ECE1: variants seen among roughly 807,000 people sequenced by gnomAD.
ECE1 encodes endothelin converting enzyme 1, also known as endothelin-converting enzyme 1.
A neutral mutation model predicts 98.6 loss-of-function variants in ECE1; 35 were observed. The ratio of observed to expected loss-of-function variants is 0.35; its 90% CI spans 0.27 to 0.47. ECE1 has a LOEUF of 0.47. Ranked by LOEUF, ECE1 falls within the 20% of genes least tolerant of loss-of-function variation. The pLI, the probability that ECE1 is intolerant of heterozygous loss-of-function variation, is 1.00. For synonymous variants in ECE1, 394 were observed against 407.1 expected (o/e 0.97, Z 0.39); for missense variants, 814 against 1,025.3 (o/e 0.79, Z 2.81).
At chr1:21,316,590 C>T (rs1638837402) in intron 1 of ECE1, among the ~76,000 whole-genome samples, 1 of 151,990 alleles carries the variant, frequency 6.6e-6, no homozygotes, top group Admixed American at 6.6e-5. Flanking sequence ...CAGTTCTTAA[C>T]ATACATAACA....
At chr1:21,344,433 G>A (rs1019614772) in intron 1 of ECE1, among the ~76,000 whole-genome samples, 15 of 152,328 alleles carry the variant, frequency 9.8e-5, no homozygotes, top group African/African-American at 3.4e-4. Context: ...GAGGGAATCC[G>A]AGTGGCTCGT....
At chr1:21,274,075 G>A (rs2098243698) in intron 3 of ECE1, among the ~76,000 whole-genome samples, 1 of 152,206 alleles carries the variant, frequency 6.6e-6, no homozygotes, top group African/African-American at 2.4e-5. Flanking sequence ...GCCGTGTACT[G>A]GGCACTTTGC....
chr1:21,249,685 A>G (rs954687357), intron 8 of ECE1, among the ~76,000 whole-genome samples: 2 of 152,128 alleles, frequency 1.3e-5, no homozygotes, highest in Non-Finnish European at 2.9e-5. Context: ...CTGCCTCAGA[A>G]AAAAAAGAGC....
In ECE1 at chr1:21,279,201, C is replaced by G. The variant is rs749420169; in HGVS notation, c.270G>C (p.Gln90His). The stretch of plus-strand genomic sequence containing the variant: ...CACGAAGGCACCTACTTGTCTGGTA[C>G]TGGATGCCCAGTGCTGCCAAGCAGG... The part of the protein sequence containing the change: ...LVACLAALGI[Q>H]YQTRSPSVCL... Residue 90 changes from glutamine (Q) to histidine (H), a missense_variant, in exon 3 of 19, where the codon CAG becomes CAC. By Grantham distance (24) the Gln-to-His change is conservative. This residue lies in a region of ECE1 where 257 missense variants were observed against 278.9 expected (regional missense o/e 0.92). Transcript: ENST00000374893. The G allele has an allele frequency of 6.2e-7, 1 of 1,614,182 alleles. No homozygotes were observed. Among genetic ancestry groups the G allele is most frequent in the Non-Finnish European group, 8.5e-7 (1 of 1,180,024 alleles).
At chr1:21,281,302 G>C (rs993272990) in intron 2 of ECE1, among the ~76,000 whole-genome samples, 2 of 152,220 alleles carry the variant, frequency 1.3e-5, no homozygotes, top group African/African-American at 4.8e-5. Context: ...AGCTGGGTCA[G>C]GCAGTGGGAG....
intron 1 of ECE1, among the ~76,000 whole-genome samples, chr1:21,300,963 T>C (rs931814482): frequency 7.2e-5 from 11 of 152,170 alleles, no homozygotes; most frequent in Non-Finnish European, 1.5e-5. Context: ...CTCTTGGGTT[T>C]GGAGGACAAT....
chr1:21,236,945 A>T, intron 11 of ECE1, 101 bp from the exon 12 acceptor site: 1 of 1,154,022 alleles, frequency 8.7e-7, no homozygotes, highest in Admixed American at 1.7e-5. Flanking sequence ...ATTAAACTCA[A>T]TTTTCCAAGC....
chr1:21,273,079 A>G (rs1169986923), intron 3 of ECE1, among the ~76,000 whole-genome samples, 168 bp from the exon 4 acceptor site: 3 of 152,374 alleles, frequency 2.0e-5, no homozygotes, highest in East Asian at 3.9e-4. Flanking sequence ...ATTTCCGCTT[A>G]TAACACAAGA....
chr1:21,239,753 C>T (rs1042133395), intron 10 of ECE1, among the ~76,000 whole-genome samples: 1 of 151,552 alleles, frequency 6.6e-6, no homozygotes, highest in African/African-American at 2.4e-5. Context: ...TGTTCTCTAT[C>T]TTTCTAAAAT....
intron 10 of ECE1, among the ~76,000 whole-genome samples, chr1:21,241,325 C>A (rs924674346): frequency 6.6e-6 from 1 of 152,036 alleles, no homozygotes; most frequent in Non-Finnish European, 1.5e-5. Context: ...TGTGAGCCAC[C>A]GCACCCAGTC....
At chr1:21,341,934 G>A (rs1023452854) in intron 1 of ECE1, among the ~76,000 whole-genome samples, 1 of 151,940 alleles carries the variant, frequency 6.6e-6, no homozygotes, top group Non-Finnish European at 1.5e-5. Context: ...CACTGCCCCC[G>A]GACTCCCTCA....
Position 21,331,996 on chromosome 1 carries a change from G to C in ECE1, c.3+13380C>G, listed in dbSNP as rs572984772. 1.2e-3 allele frequency among the ~76,000 whole-genome samples: 183 copies of C among 152,188 alleles called. 2 individuals are homozygous for C. Among genetic ancestry groups the C allele is most frequent in the Non-Finnish European group, 2.4e-4 (16 of 67,992 alleles). Reference sequence around the variant, plus strand: ...TCCTCAGAAGCAACCTGCCAGCCCTGGGCTGGTCATTCTCTGATAGTATCA... The same window carrying C: ...TCCTCAGAAGCAACCTGCCAGCCCTCGGCTGGTCATTCTCTGATAGTATCA... On this transcript the variant is annotated intron_variant, in intron 1 of 18. Coordinates refer to the ECE1 transcript ENST00000415912.
At chr1:21,248,308 T>A (rs555101846) in intron 8 of ECE1, among the ~76,000 whole-genome samples, 3 of 152,128 alleles carry the variant, frequency 2.0e-5, no homozygotes, top group African/African-American at 7.2e-5. Context: ...GTAGCTGGGA[T>A]TACAACAGGC....
intron 1 of ECE1, among the ~76,000 whole-genome samples, chr1:21,303,663 T>TTG (rs2103381180): frequency 6.6e-6 from 1 of 152,192 alleles, no homozygotes; most frequent in African/African-American, 2.4e-5. Flanking sequence ...TGTTGTTGTT[T>TTG]TTTGAGACAG....
At chr1:21,314,083 C>T (rs977684417) in intron 1 of ECE1, among the ~76,000 whole-genome samples, 1 of 152,228 alleles carries the variant, frequency 6.6e-6, no homozygotes, top group African/African-American at 2.4e-5. Context: ...GTGCTAAGCA[C>T]TTTACGTGTG....
intron 1 of ECE1, among the ~76,000 whole-genome samples, chr1:21,315,680 G>T (rs1209017407): frequency 6.6e-6 from 1 of 151,446 alleles, no homozygotes; most frequent in Non-Finnish European, 1.5e-5. Flanking sequence ...TGTAATCCCA[G>T]CTACTTGCGA....
intron 17 of ECE1, among the ~76,000 whole-genome samples, chr1:21,224,814 A>G (rs959776110): frequency 6.6e-6 from 1 of 152,212 alleles, no homozygotes; most frequent in Non-Finnish European, 1.5e-5. Context: ...AAGTCAAGTG[A>G]GGCTCAAGGA....
chr1:21,343,427 T>C (rs532725517), intron 1 of ECE1, among the ~76,000 whole-genome samples: 31 of 152,314 alleles, frequency 2.0e-4, no homozygotes, highest in African/African-American at 7.2e-4. Flanking sequence ...AGCCAGCCCA[T>C]AGCCCTGGAC....
At chr1:21,331,872 A>G (rs1209256277) in intron 1 of ECE1, among the ~76,000 whole-genome samples, 1 of 152,336 alleles carries the variant, frequency 6.6e-6, no homozygotes, top group Middle Eastern at 3.4e-3. Flanking sequence ...CGCGGGCAGG[A>G]AAGAATGGAG....
Sources: gnomAD v4.1 joint callset for allele counts (sites outside exome capture counted in the v4.1 genomes callset) on GRCh38, gnomAD v4.1.1 for gene constraint, gnomAD v4.1.1 regional missense constraint, MANE v1.5 for transcripts, NCBI Gene and HGNC (gene_info 2026-07-23, HGNC 2026-07-21) for gene names.